The following PTPRK variants were observed in gnomAD, a reference collection of about 807,000 sequenced individuals.
The protein encoded by PTPRK is protein tyrosine phosphatase receptor type K.
A neutral mutation model predicts 178.0 loss-of-function variants in PTPRK; 75 were observed. The ratio of observed to expected loss-of-function variants is 0.42; its 90% CI spans 0.35 to 0.51. The LOEUF (loss-of-function observed/expected upper bound fraction) is 0.51, where lower values mean the gene tolerates loss of function less well. PTPRK is among the 20% of genes least tolerant of loss of function. PTPRK has a pLI of 0.02. For synonymous variants in PTPRK, 637 were observed against 620.6 expected (o/e 1.03, Z -0.39); for missense variants, 1,441 against 1,797.8 (o/e 0.80, Z 3.59).
At chr6:127,994,131 T>C (rs947316830) in intron 18 of PTPRK, among the ~76,000 whole-genome samples, 1 of 151,778 alleles carries the variant, frequency 6.6e-6, no homozygotes, top group African/African-American at 2.4e-5. Context: ...CATATACTCA[T>C]ATACTATGCT....
chr6:128,190,747 C>T (rs1562758793), intron 6 of PTPRK, among the ~76,000 whole-genome samples: 1 of 152,096 alleles, frequency 6.6e-6, no homozygotes, highest in Non-Finnish European at 1.5e-5. Flanking sequence ...GATCTGCCCA[C>T]CTCAGCCTCC....
intron 1 of PTPRK, among the ~76,000 whole-genome samples, chr6:128,465,381 T>C (rs1188348410): frequency 6.6e-6 from 1 of 152,168 alleles, no homozygotes; most frequent in African/African-American, 2.4e-5. Context: ...AGGCTATAAA[T>C]AGCTCAATTT....
chr6:128,312,487 A>G (rs760796472), intron 3 of PTPRK, among the ~76,000 whole-genome samples: 34 of 152,246 alleles, frequency 2.2e-4, no homozygotes, highest in Non-Finnish European at 3.8e-4. Flanking sequence ...GGAGGTCTTC[A>G]TTTTGGAGAT....
intron 3 of PTPRK, among the ~76,000 whole-genome samples, chr6:128,284,239 C>T (rs1822114958): frequency 1.3e-5 from 2 of 152,182 alleles, no homozygotes; most frequent in African/African-American, 4.8e-5. Context: ...ACTATGATGT[C>T]TCTCTCCTGC....
At chr6:128,071,116 G>GC (rs1243476783) in intron 11 of PTPRK, among the ~76,000 whole-genome samples, 1 of 121,012 alleles carries the variant, frequency 8.3e-6, no homozygotes, top group Non-Finnish European at 2.0e-5. Flanking sequence ...GGATAGAGAG[G>GC]TTAAAAAAAA....
chr6:128,283,055 G>C (rs1231810860), intron 3 of PTPRK, among the ~76,000 whole-genome samples: 1 of 152,130 alleles, frequency 6.6e-6, no homozygotes, highest in East Asian at 1.9e-4. Context: ...CACCACAAAG[G>C]GTTAAAACAG....
intron 1 of PTPRK, among the ~76,000 whole-genome samples, chr6:128,447,190 G>A (rs1847144697): frequency 6.6e-6 from 1 of 152,146 alleles, no homozygotes; most frequent in Non-Finnish European, 1.5e-5. Flanking sequence ...TGTTATCTTG[G>A]TTGGTAGTGA....
Position 128,067,855 on chromosome 6 carries a change from C to G in PTPRK, c.1884-63G>C, listed in dbSNP as rs149613880. The G allele has an allele frequency of 2.8e-4, 400 of 1,407,568 alleles. No individual in the cohort carries two copies. In the African/African-American group the frequency reaches 5.4e-3, roughly 19 times the overall value. The allele number at this position is 1,407,568 out of a possible 1,614,324, so 87.2% of individuals were successfully genotyped here. The stretch of plus-strand genomic sequence containing the variant: ...CACACATATTTAGAGATTTAAGATA[C>G]TAAGATTTTTTTTAAGGGGTTGACT... On this transcript the variant is annotated intron_variant, in intron 11 of 29. Coordinates refer to ENST00000368226, the MANE Select transcript of PTPRK (RefSeq NM_002844.4).
At chr6:128,386,508 A>G (rs908717766) in intron 2 of PTPRK, among the ~76,000 whole-genome samples, 2 of 152,168 alleles carry the variant, frequency 1.3e-5, no homozygotes, top group African/African-American at 4.8e-5. Context: ...ACCCACATTT[A>G]TAAGAACTTC....
At chr6:128,211,120 T>C (rs1281838152) in intron 6 of PTPRK, among the ~76,000 whole-genome samples, 1 of 152,152 alleles carries the variant, frequency 6.6e-6, no homozygotes, top group Non-Finnish European at 1.5e-5. Context: ...CTATAGGCCA[T>C]AATTTCTCTA....
chr6:128,295,450 T>A, intron 3 of PTPRK, among the ~76,000 whole-genome samples: 1 of 152,170 alleles, frequency 6.6e-6, no homozygotes, highest in East Asian at 1.9e-4. Context: ...ATGGATTTTT[T>A]TACATACTAA....
chr6:128,157,309 T>G (rs1694079338), intron 7 of PTPRK, among the ~76,000 whole-genome samples: 1 of 152,048 alleles, frequency 6.6e-6, no homozygotes, highest in Non-Finnish European at 1.5e-5. Context: ...GGAAAGATAC[T>G]TTAAGACTCT....
intron 3 of PTPRK, among the ~76,000 whole-genome samples, chr6:128,304,531 CTG>C (rs1826095966): frequency 6.6e-6 from 1 of 152,158 alleles, no homozygotes; most frequent in East Asian, 1.9e-4. Flanking sequence ...AGAACCCTTT[CTG>C]TGTGTGATAT....
At chr6:127,982,190 T>G (rs1349598483) in intron 24 of PTPRK, among the ~76,000 whole-genome samples, 6 of 152,068 alleles carry the variant, frequency 3.9e-5, no homozygotes, top group Admixed American at 6.5e-5. Context: ...GTGACCCAGG[T>G]CAAAATCTGT....
intron 2 of PTPRK, among the ~76,000 whole-genome samples, chr6:128,357,662 C>A (rs1331281024): frequency 2.6e-5 from 4 of 152,226 alleles, no homozygotes; most frequent in Admixed American, 1.3e-4. Flanking sequence ...GACATCAACA[C>A]CACCCAAATA....
chr6:128,343,415 G>A (rs762008020), intron 2 of PTPRK, among the ~76,000 whole-genome samples: 6 of 150,446 alleles, frequency 4.0e-5, no homozygotes, highest in African/African-American at 7.3e-5. Flanking sequence ...CAGGAGAATC[G>A]CTTGAACCTG....
chr6:128,489,779 G>A (rs1367303166), intron 1 of PTPRK, among the ~76,000 whole-genome samples: 2 of 152,116 alleles, frequency 1.3e-5, no homozygotes, highest in Non-Finnish European at 2.9e-5. Context: ...TAAATTTGCA[G>A]GAAATGTTTA....
chr6:128,185,724 CA>C (rs1251263875), intron 6 of PTPRK, among the ~76,000 whole-genome samples: 1 of 152,048 alleles, frequency 6.6e-6, no homozygotes, highest in Non-Finnish European at 1.5e-5. Context: ...AACACAACCA[CA>C]AAATGCTCCC....
chr6:128,077,661 T>G (rs182157356), intron 11 of PTPRK, among the ~76,000 whole-genome samples: 1 of 152,036 alleles, frequency 6.6e-6, no homozygotes, highest in African/African-American at 2.4e-5. Context: ...TACGTGGATT[T>G]CTGTGCCTTC....
Sources: gnomAD v4.1 joint callset for allele counts (sites outside exome capture counted in the v4.1 genomes callset) on GRCh38, gnomAD v4.1.1 for gene constraint, MANE v1.5 for transcripts, NCBI Gene and HGNC (gene_info 2026-07-23, HGNC 2026-07-21) for gene names.